Variants in NPLOC4 observed in about 807,000 individuals in gnomAD.
NPLOC4 encodes nuclear protein localization protein 4 homolog.
NPLOC4 carries 18 observed loss-of-function variants against 80.6 expected under a neutral mutation model. That is an observed-to-expected ratio of 0.22 (90% CI 0.15 to 0.33). NPLOC4 has a LOEUF of 0.33. Among genes scored for constraint, NPLOC4 ranks in the 10% least tolerant of loss-of-function variants. The pLI, the probability that NPLOC4 is intolerant of heterozygous loss-of-function variation, is 1.00. For missense variants in NPLOC4, 540 were observed against 786.1 expected (o/e 0.69, Z 3.74); for synonymous variants, 313 against 301.5 (o/e 1.04, Z -0.39).
chr17:81,608,883 G>A, intron 5 of NPLOC4, 61 bp from the exon 6 acceptor site: 1 of 1,359,256 alleles, frequency 7.4e-7, no homozygotes, highest in Non-Finnish European at 1.0e-6. Flanking sequence ...CAGGCGCTGA[G>A]CCTCTGCTAC....
chr17:81,607,870 GGC>G (rs1454575359), intron 6 of NPLOC4, among the ~76,000 whole-genome samples: 1 of 152,156 alleles, frequency 6.6e-6, no homozygotes, highest in African/African-American at 2.4e-5. Context: ...GCTACAATCA[GGC>G]GAATATGACA....
chr17:81,591,828 C>T (rs2034754631), intron 11 of NPLOC4, among the ~76,000 whole-genome samples: 1 of 152,218 alleles, frequency 6.6e-6, no homozygotes, highest in Non-Finnish European at 1.5e-5. Context: ...AGCAAAACTT[C>T]AGCTGCTATT....
At chr17:81,593,750 A>C (rs1484044774) in intron 11 of NPLOC4, among the ~76,000 whole-genome samples, 1 of 151,330 alleles carries the variant, frequency 6.6e-6, no homozygotes, top group Non-Finnish European at 1.5e-5. Flanking sequence ...GGCCAGGCAG[A>C]ATTCTAAATG....
rs1231764900 is a variant in NPLOC4 at position 81,572,647 on chromosome 17, C to G, written c.1282-559G>C. Among the ~76,000 whole-genome samples the G allele has an allele frequency of 6.6e-6, 1 of 152,220 alleles. No homozygotes were observed. Among genetic ancestry groups the G allele is most frequent in the East Asian group, 1.9e-4 (1 of 5,196 alleles). ...TCGTGCTCTCGGGCACTGGGACTCC[C>G]CACTGGGAGAGCACATCAAATGCCT... On this transcript the variant is annotated intron_variant, in intron 12 of 16. Transcript: ENST00000331134. The surrounding 1 kb of genome is among the most constrained non-coding windows in gnomAD (Gnocchi z 4.5).
At chr17:81,566,187 A>C (rs750589857) in intron 15 of NPLOC4, among the ~76,000 whole-genome samples, 14 of 152,092 alleles carry the variant, frequency 9.2e-5, no homozygotes, top group Non-Finnish European at 1.8e-4. Flanking sequence ...CAACAATTAG[A>C]CAGGCGTGGT....
Position 81,558,897 on chromosome 17 carries a change from G to C in NPLOC4, c.*362C>G. Reference sequence around the variant, plus strand: ...CCAAACAAAAAGCACTGAAAATAAAGAGAAGGCTGGGTGGTGGCAGCATCG... The same window carrying C: ...CCAAACAAAAAGCACTGAAAATAAACAGAAGGCTGGGTGGTGGCAGCATCG... On this transcript the variant is annotated 3_prime_UTR_variant, in exon 17 of 17. Transcript: ENST00000331134. 5.6e-6 allele frequency: 1 copy of C among 179,040 alleles called. No individual in the cohort carries two copies. The highest frequency in any genetic ancestry group is 1.8e-4 in the South Asian group (1 of 5,542). 11.1% of individuals were successfully genotyped at this position (179,040 alleles called of 1,614,324 possible).
intron 2 of NPLOC4, among the ~76,000 whole-genome samples, chr17:81,628,496 G>A (rs528168543): frequency 1.1e-4 from 17 of 152,130 alleles, no homozygotes; most frequent in African/African-American, 3.9e-4. Flanking sequence ...CTGGGCAACA[G>A]AGTGAGATGC....
At chr17:81,612,234 G>A (rs1039195247) in intron 4 of NPLOC4, among the ~76,000 whole-genome samples, 2 of 152,164 alleles carry the variant, frequency 1.3e-5, no homozygotes, top group African/African-American at 4.8e-5. Context: ...GGCTCAGTCA[G>A]ACCCCTTTCT....
chr17:81,585,613 A>G (rs995067005), intron 12 of NPLOC4, among the ~76,000 whole-genome samples: 9 of 144,786 alleles, frequency 6.2e-5, no homozygotes, highest in Non-Finnish European at 9.0e-5. Flanking sequence ...GTGAGCCGAG[A>G]TCAGGCCACT....
rs764194533 is a variant in NPLOC4, at chr17:81,572,136, A to G, written c.1282-48T>C. The G allele has an allele frequency of 8.1e-7, 1 of 1,238,862 alleles. No homozygotes were observed. Among genetic ancestry groups the G allele is most frequent in the Admixed American group, 2.2e-5 (1 of 46,152 alleles). 76.7% of individuals were successfully genotyped at this position (1,238,862 alleles called of 1,614,324 possible). On this transcript the variant is annotated intron_variant, in intron 12 of 16. Coordinates refer to ENST00000331134, the MANE Select transcript of NPLOC4 (RefSeq NM_017921.4). This position sits in a 1 kb window ranked among gnomAD's most constrained non-coding sequence, Gnocchi z 4.5. ...GCGGTGAGCAAAGACGATCAGTAGT[A>G]ATGATTTTCCTTTCACATGCTTGTC...
At chr17:81,603,710 A>T (rs1210628411) in intron 8 of NPLOC4, among the ~76,000 whole-genome samples, 1 of 152,196 alleles carries the variant, frequency 6.6e-6, no homozygotes, top group African/African-American at 2.4e-5. Context: ...CCTATGCACT[A>T]TCTGTCCCTC....
At chr17:81,570,492 G>A (rs896449069) in intron 13 of NPLOC4, among the ~76,000 whole-genome samples, 1 of 152,230 alleles carries the variant, frequency 6.6e-6, no homozygotes, top group Admixed American at 6.5e-5. Context: ...GAGTGAGCTA[G>A]TGGGACTGAC....
At chr17:81,613,673 T>C (rs906447517) in intron 3 of NPLOC4, among the ~76,000 whole-genome samples, 179 bp from the exon 4 acceptor site, 1 of 152,192 alleles carries the variant, frequency 6.6e-6, no homozygotes, top group South Asian at 2.1e-4. Context: ...CCTGGCATTA[T>C]AAAGACCAGT....
intron 2 of NPLOC4, among the ~76,000 whole-genome samples, chr17:81,629,354 A>C (rs1484453677): frequency 6.6e-6 from 1 of 151,254 alleles, no homozygotes; most frequent in Non-Finnish European, 1.5e-5. Flanking sequence ...ACCACGCCCG[A>C]CTAATTTTTG....
chr17:81,585,156 C>A (rs535187346), intron 12 of NPLOC4, among the ~76,000 whole-genome samples: 72 of 98,732 alleles, frequency 7.3e-4, no homozygotes, highest in Non-Finnish European at 1.1e-3. Context: ...GGCGACAGAA[C>A]GAGACTCTGT....
At chr17:81,593,842 T>C (rs1409633437) in intron 11 of NPLOC4, among the ~76,000 whole-genome samples, 6 of 152,126 alleles carry the variant, frequency 3.9e-5, no homozygotes, top group Admixed American at 3.9e-4. Context: ...CCAGCTACCC[T>C]GAGTCCCCCA....
intron 1 of NPLOC4, among the ~76,000 whole-genome samples, chr17:81,630,721 A>C (rs1235149948): frequency 6.6e-6 from 1 of 152,162 alleles, no homozygotes; most frequent in African/African-American, 2.4e-5. Flanking sequence ...TCTACTAAAA[A>C]TACAAGTTAG....
At chr17:81,571,153 C>T (rs1050375030) in intron 13 of NPLOC4, among the ~76,000 whole-genome samples, 15 of 152,130 alleles carry the variant, frequency 9.9e-5, no homozygotes, top group African/African-American at 3.4e-4. Context: ...GGGCTTGGCT[C>T]GTGGGGACCT....
intron 4 of NPLOC4, among the ~76,000 whole-genome samples, chr17:81,611,955 A>T (rs2035352152): frequency 1.0e-5 from 1 of 96,592 alleles, no homozygotes; most frequent in Admixed American, 9.2e-5. Context: ...GCGAGAGTCC[A>T]TCTCAAAAAA....
Sources: gnomAD v4.1 joint callset for allele counts (sites outside exome capture counted in the v4.1 genomes callset) on GRCh38, gnomAD v4.1.1 for gene constraint, Gnocchi (gnomAD v3.1) non-coding constraint, MANE v1.5 for transcripts, NCBI Gene and HGNC (gene_info 2026-07-23, HGNC 2026-07-21) for gene names.